Variants in PPARGC1A observed in about 807,000 individuals in gnomAD.
PPARGC1A encodes the protein peroxisome proliferator-activated receptor gamma coactivator 1-alpha.
PPARGC1A carries 25 observed loss-of-function variants against 88.7 expected under a neutral mutation model. That is an observed-to-expected ratio of 0.28 (90% CI 0.21 to 0.39). The LOEUF is 0.39. Among genes scored for constraint, PPARGC1A ranks in the 10% least tolerant of loss-of-function variants. PPARGC1A has a pLI of 1.00. For synonymous variants in PPARGC1A, 363 were observed against 355.6 expected (o/e 1.02, Z -0.24); for missense variants, 880 against 968.7 (o/e 0.91, Z 1.22).
At chr4:24,236,382 T>G in the PPARGC1A span, among the ~76,000 whole-genome samples, 650 of 152,284 alleles carry the variant, frequency 4.3e-3, 5 homozygotes, top group African/African-American at 0.014. Flanking sequence ...ATACCTCCCT[T>G]TATCTTGAAG....
At chr4:24,252,572 C>T in the PPARGC1A span, among the ~76,000 whole-genome samples, 11 of 152,318 alleles carry the variant, frequency 7.2e-5, no homozygotes, top group South Asian at 2.3e-3. Context: ...TTCATGAAAA[C>T]TGATTCTTAG....
chr4:23,863,894 G>A (rs114278440), intron 2 of PPARGC1A, among the ~76,000 whole-genome samples: 10,559 of 152,148 alleles, frequency 0.069, 434 homozygotes, highest in African/African-American at 0.12. Flanking sequence ...TTATGGGCGC[G>A]TGCCATCACG....
chr4:24,138,003 C>T, the PPARGC1A span, among the ~76,000 whole-genome samples: 2 of 152,232 alleles, frequency 1.3e-5, no homozygotes, highest in South Asian at 4.1e-4. Context: ...GTCATGCGAG[C>T]CCCTGAAGAG....
the PPARGC1A span, among the ~76,000 whole-genome samples, chr4:23,912,745 C>T: frequency 2.0e-5 from 3 of 151,866 alleles, no homozygotes; most frequent in African/African-American, 7.3e-5. Context: ...CCAGCCTGCC[C>T]TACCAATTGT....
chr4:24,009,150 A>AAAAAAAAAAAAAAAAG, the PPARGC1A span, among the ~76,000 whole-genome samples: 20 of 79,806 alleles, frequency 2.5e-4, no homozygotes, highest in African/African-American at 1.1e-3. Context: ...AAAAAAAAAA[A>AAAAAAAAAAAAAAAAG]AGAGAGAGAA....
chr4:24,291,087 T>C, the PPARGC1A span, among the ~76,000 whole-genome samples: 2 of 152,326 alleles, frequency 1.3e-5, no homozygotes, highest in South Asian at 4.1e-4. Flanking sequence ...AGATCATCAC[T>C]GAGGCCCCTA....
the PPARGC1A span, among the ~76,000 whole-genome samples, chr4:23,984,069 G>A: frequency 6.6e-6 from 1 of 151,952 alleles, no homozygotes; most frequent in African/African-American, 2.4e-5. Flanking sequence ...CTTCAAAAAT[G>A]CCAAAAATAA....
chr4:24,041,642 C>T, the PPARGC1A span, among the ~76,000 whole-genome samples: 1 of 152,080 alleles, frequency 6.6e-6, no homozygotes, highest in Non-Finnish European at 1.5e-5. Flanking sequence ...CTTTGAAAGC[C>T]TAAATGAAAA....
the PPARGC1A span, among the ~76,000 whole-genome samples, chr4:24,191,101 C>T: frequency 6.6e-6 from 1 of 152,184 alleles, no homozygotes; most frequent in East Asian, 1.9e-4. Flanking sequence ...CAGTTCTCAA[C>T]ACAAACCAGT....
At chr4:23,980,216 A>G in the PPARGC1A span, among the ~76,000 whole-genome samples, 2 of 148,702 alleles carry the variant, frequency 1.3e-5, no homozygotes, top group Non-Finnish European at 3.0e-5. Flanking sequence ...AAAATGGAGG[A>G]TACATGGCTT....
At chr4:24,390,772 T>C in the PPARGC1A span, among the ~76,000 whole-genome samples, 21 of 152,036 alleles carry the variant, frequency 1.4e-4, no homozygotes, top group Non-Finnish European at 2.8e-4. Context: ...CTCTCTCACC[T>C]TTTTTAAATA....
the PPARGC1A span, among the ~76,000 whole-genome samples, chr4:23,955,074 C>T: frequency 6.6e-6 from 1 of 152,002 alleles, no homozygotes; most frequent in Non-Finnish European, 1.5e-5. Context: ...AGTTATACTT[C>T]AATTGAAGAG....
chr4:23,933,471 C>T, the PPARGC1A span, among the ~76,000 whole-genome samples: 1 of 152,200 alleles, frequency 6.6e-6, no homozygotes, highest in Non-Finnish European at 1.5e-5. Context: ...CTCTCAACCT[C>T]ACCTCATACC....
At chr4:24,399,765 A>G in the PPARGC1A span, among the ~76,000 whole-genome samples, 3 of 151,964 alleles carry the variant, frequency 2.0e-5, no homozygotes, top group African/African-American at 7.3e-5. Flanking sequence ...TCTGAAGCAT[A>G]TGAACATTTA....
the PPARGC1A span, among the ~76,000 whole-genome samples, chr4:24,145,848 C>T: frequency 2.6e-5 from 4 of 152,216 alleles, no homozygotes; most frequent in South Asian, 2.1e-4. Context: ...ACTATATTAT[C>T]GAAGTCATTA....
chr4:24,148,806 A>G, the PPARGC1A span, among the ~76,000 whole-genome samples: 1 of 152,230 alleles, frequency 6.6e-6, no homozygotes, highest in Non-Finnish European at 1.5e-5. Flanking sequence ...AGACATGGAC[A>G]TGATACATGT....
the PPARGC1A span, among the ~76,000 whole-genome samples, chr4:24,127,106 G>A: frequency 1.3e-5 from 2 of 152,132 alleles, no homozygotes; most frequent in Non-Finnish European, 2.9e-5. Flanking sequence ...TAAAAGAGGG[G>A]ATGAGCCATG....
At chr4:24,375,724 G>A in the PPARGC1A span, among the ~76,000 whole-genome samples, 1 of 152,064 alleles carries the variant, frequency 6.6e-6, no homozygotes, top group African/African-American at 2.4e-5. Context: ...AAAGGGGGTC[G>A]CGATAGACAA....
intron 2 of PPARGC1A, among the ~76,000 whole-genome samples, chr4:23,839,661 A>G (rs1269178396): frequency 1.3e-5 from 2 of 152,176 alleles, no homozygotes; most frequent in East Asian, 1.9e-4. Flanking sequence ...CGCTGCTGAT[A>G]AAGACATACC....
Sources: gnomAD v4.1 joint callset for allele counts (sites outside exome capture counted in the v4.1 genomes callset) on GRCh38, gnomAD v4.1.1 for gene constraint, MANE v1.5 for transcripts, NCBI Gene and HGNC (gene_info 2026-07-23, HGNC 2026-07-21) for gene names.